The following PITPNM1 variants were observed in gnomAD, a reference collection of about 807,000 sequenced individuals.
The protein encoded by PITPNM1 is phosphatidylinositol transfer protein membrane associated 1, also known as membrane-associated phosphatidylinositol transfer protein 1.
A neutral mutation model predicts 133.3 loss-of-function variants in PITPNM1; 74 were observed. The ratio of observed to expected loss-of-function variants is 0.56; its 90% CI spans 0.46 to 0.67. The LOEUF (loss-of-function observed/expected upper bound fraction) is 0.67. PITPNM1 is among the 30% of genes least tolerant of loss of function. PITPNM1 has a pLI of 0.00. For synonymous variants in PITPNM1, 738 were observed against 741.4 expected, an observed-to-expected ratio of 1.00 and a Z score of 0.08; for missense variants, 1,398 against 1,739.5, an observed-to-expected ratio of 0.80 and a Z score of 3.49.
Position 67,505,142 on chromosome 11 carries a change from G to C in PITPNM1, c.-42+46C>G, listed in dbSNP as rs1866458917. On this transcript the variant is annotated intron_variant, in intron 1 of 23. Coordinates refer to ENST00000356404, the MANE Select transcript of PITPNM1 (RefSeq NM_004910.3). This position sits in a 1 kb window ranked among gnomAD's most constrained non-coding sequence, Gnocchi z 5.8. Reference sequence around the variant, plus strand: ...ACTTCCCTCTGCTCGCCGGCGTCCCGGTCCCCTGCCGCGCTCTTGGCCCGC... The same window carrying C: ...ACTTCCCTCTGCTCGCCGGCGTCCCCGTCCCCTGCCGCGCTCTTGGCCCGC... The C allele has an allele frequency of 6.6e-6, 1 of 152,506 alleles. No homozygotes were observed. The highest frequency in any genetic ancestry group is 1.5e-5 in the Non-Finnish European group (1 of 68,372). The allele number at this position is 152,506 out of a possible 1,614,324, so 9.4% of individuals were successfully genotyped here. A position where few individuals can be genotyped will look rare whatever the true frequency, so the allele number is the denominator to read the frequency against.
rs2276121 is a variant in PITPNM1 at position 67,498,799 on chromosome 11, G to A, written c.1281C>T (p.His427=). 7.4e-6 allele frequency: 12 copies of A among 1,612,656 alleles called. No individual in the cohort carries two copies. The highest frequency in any genetic ancestry group is 6.7e-5 in the East Asian group (3 of 44,884). ...GELGAEACAV[H]ALFLILHSGN... is the part of the protein sequence containing the mutation. ...CGCTGTGCAGGATAAGGAAGAGGGC[G>A]TGGACTGCGCATGCCTCAGCCCCCA... The change falls in exon 10 of 24, where the codon CAC becomes CAT. Residue 427 remains histidine (H), a synonymous_variant. Transcript: ENST00000356404. This position sits in a 1 kb window ranked among gnomAD's most constrained non-coding sequence, Gnocchi z 5.7.
chr11:67,497,797 G>C lies in PITPNM1; in HGVS notation c.1783-118C>G, dbSNP rs1035710521. ...CAGAGCAGAATTCCAGAGAAGACATGAACTGGCAGGGCAGCAGGGGGCCTG... is the reference window on the plus strand; with the variant it reads ...CAGAGCAGAATTCCAGAGAAGACATCAACTGGCAGGGCAGCAGGGGGCCTG... On this transcript the variant is annotated intron_variant, in intron 12 of 23. Transcript: ENST00000356404. 4.0e-6 allele frequency: 6 copies of C among 1,487,144 alleles called. No individual in the cohort carries two copies. The African/African-American group carries it at 8.3e-5, about 21-fold the overall frequency. 92.1% of individuals were successfully genotyped at this position (1,487,144 alleles called of 1,614,324 possible).
Position 67,504,200 on chromosome 11 carries a change from C to A in PITPNM1, c.-20G>T. 2 of 1,579,796 alleles carry A rather than the reference C, an allele frequency of 1.3e-6. No homozygotes were observed. Among genetic ancestry groups the A allele is most frequent in the Non-Finnish European group, 1.7e-6 (2 of 1,165,284 alleles). Reference sequence around the variant, plus strand: ...GAGCATCCTGAAGGCGCTCGGCGGGCCGCGCGCGGCCTCCGCTCCTCCTGG... The same window carrying A: ...GAGCATCCTGAAGGCGCTCGGCGGGACGCGCGCGGCCTCCGCTCCTCCTGG... On this transcript the variant is annotated 5_prime_UTR_variant, in exon 2 of 24. Coordinates refer to ENST00000356404, the MANE Select transcript of PITPNM1 (RefSeq NM_004910.3). The surrounding 1 kb of genome is among the most constrained non-coding windows in gnomAD (Gnocchi z 5.4).
Position 67,504,495 on chromosome 11 carries a change from G to C in PITPNM1, c.-41-274C>G, listed in dbSNP as rs1025909147. The stretch of plus-strand genomic sequence containing the variant: ...CGGGCCCCCCGGAGCGCCAGGCTCC[G>C]GCCGGCGGGCGGGAGGGCCACCTCA... On this transcript the variant is annotated intron_variant, in intron 1 of 23. Coordinates refer to ENST00000356404, the MANE Select transcript of PITPNM1 (RefSeq NM_004910.3). The surrounding 1 kb of genome is among the most constrained non-coding windows in gnomAD (Gnocchi z 5.4). 1 of 152,804 alleles carries C rather than the reference G, an allele frequency of 6.5e-6. No homozygotes were observed. Among genetic ancestry groups the C allele is most frequent in the East Asian group, 1.9e-4 (1 of 5,172 alleles). 9.5% of individuals were successfully genotyped at this position (152,804 alleles called of 1,614,324 possible).
Position 67,491,793 on chromosome 11 carries a change from A to G in PITPNM1, c.*240T>C. ...TGGGGTGCAGGTGGCGTTTATTTTC[A>G]TGGATTTATACACACTGGAAAAGCC... On this transcript the variant is annotated 3_prime_UTR_variant, in exon 24 of 24. Transcript: ENST00000356404. 1.9e-6 allele frequency: 1 copy of G among 515,566 alleles called. No individual in the cohort carries two copies. Among genetic ancestry groups the G allele is most frequent in the East Asian group, 3.3e-5 (1 of 30,700 alleles). 31.9% of individuals were successfully genotyped at this position (515,566 alleles called of 1,614,324 possible).
intron 13 of PITPNM1, 43 bp from the exon 14 acceptor site, chr11:67,497,479 C>A (rs771484372): frequency 6.3e-7 from 1 of 1,595,680 alleles, no homozygotes; most frequent in Non-Finnish European, 8.5e-7. Flanking sequence ...CCTCTGTAGT[C>A]CATCATGTGC....
Position 67,492,937 on chromosome 11 carries a change from G to A in PITPNM1, c.3468C>T (p.Cys1156=). The change falls in exon 23 of 24, where the codon TGC becomes TGT. Residue 1156 remains cysteine, a synonymous_variant. Transcript: ENST00000356404. ...CTGGCCTTCACTTGGGCCTCACCTG[G>A]CACTGCGCCTGTAGCTTCCGCACGG... ...GRAVRKLQAQ[C]QFLSDGYVAH... The A allele has an allele frequency of 6.2e-7, 1 of 1,612,156 alleles. No individual in the cohort carries two copies.
At chr11:67,505,569 T>C (rs981042138), upstream of PITPNM1, among the ~76,000 whole-genome samples, 2 of 152,202 alleles carry the variant, frequency 1.3e-5, no homozygotes, top group East Asian at 1.9e-4. The surrounding 1 kb of genome is among the most constrained non-coding windows in gnomAD (Gnocchi z 5.8). Context: ...TCTGTGCTGA[T>C]TGGGGTCCCC....
Position 67,504,277 on chromosome 11 carries a change from C to T in PITPNM1, c.-41-56G>A. The T allele has an allele frequency of 1.5e-6, 1 of 678,280 alleles. No homozygotes were observed. The highest frequency in any genetic ancestry group is 1.9e-5 in the African/African-American group (1 of 52,412). 42.0% of individuals were successfully genotyped at this position (678,280 alleles called of 1,614,324 possible). A position where few individuals can be genotyped will look rare whatever the true frequency, so the allele number is the denominator to read the frequency against. ...CGGGGAGGCTGCGCGCGGCCCCGAG[C>T]CCTGCGCGCCGGCCGAGGGACTCAG... On this transcript the variant is annotated intron_variant, in intron 1 of 23. Transcript: ENST00000356404. The surrounding 1 kb of genome is among the most constrained non-coding windows in gnomAD (Gnocchi z 5.4).
Position 67,498,614 on chromosome 11 carries a change from G to A in PITPNM1, c.1466C>T (p.Ala489Val). The change falls in exon 10 of 24, where the codon GCC (alanine) becomes GTC (valine). Residue 489 changes from alanine to valine, a missense_variant. By Grantham distance (64) the Ala-to-Val change is moderately conservative (BLOSUM62 0). This residue lies in a region of PITPNM1 where 574 missense variants were observed against 698.7 expected (regional missense o/e 0.82). Coordinates refer to ENST00000356404, the MANE Select transcript of PITPNM1 (RefSeq NM_004910.3). This position sits in a 1 kb window ranked among gnomAD's most constrained non-coding sequence, Gnocchi z 5.7. ...CTAGTACTTGGAGACAAGGGCATAG[G>A]CGGCGGCGCAGATGGGTGGACAGGG... ...LVPCPPICAA[A>V]YALVSNLSPY... The A allele has an allele frequency of 6.3e-7, 1 of 1,597,634 alleles. No individual in the cohort carries two copies. Among genetic ancestry groups the A allele is most frequent in the Non-Finnish European group, 8.5e-7 (1 of 1,179,504 alleles).
In PITPNM1 at chr11:67,494,928, G is replaced by A. The variant is rs374920376; in HGVS notation, c.2660C>T (p.Ala887Val). Residue 887 changes from alanine to valine, a missense_variant, in exon 18 of 24, where the codon GCG (alanine) becomes GTG (valine). Physicochemically the swap from Ala to Val is moderately conservative, Grantham distance 64. Transcript: ENST00000356404. The stretch of plus-strand genomic sequence containing the variant: ...GTAGATGGACGGCTCCTCGCATTCC[G>A]CCAGCTGTGGCCGCTCCTTCTCGAT... ...QVIEKERPQL[A>V]ECEEPSIYSP... 6.2e-7 allele frequency: 1 copy of A among 1,612,742 alleles called. No individual in the cohort carries two copies. Among genetic ancestry groups the A allele is most frequent in the Non-Finnish European group, 8.5e-7 (1 of 1,179,778 alleles).
chr11:67,492,502 C>T (rs144299572), intron 23 of PITPNM1, among the ~76,000 whole-genome samples: 3 of 152,358 alleles, frequency 2.0e-5, no homozygotes, highest in Non-Finnish European at 4.4e-5. Flanking sequence ...CTTCTCTGGG[C>T]CTCAGTCTCC....
rs761014710 is a variant in PITPNM1, at chr11:67,504,213, C to T, written c.-33G>A. ...GCGCTCGGCGGGCCGCGCGCGGCCT[C>T]CGCTCCTCCTGGCGCAGGGCACGGC... is the stretch of plus-strand genomic sequence containing the variant. On this transcript the variant is annotated 5_prime_UTR_variant, in exon 2 of 24. Coordinates refer to ENST00000356404, the MANE Select transcript of PITPNM1 (RefSeq NM_004910.3). This position sits in a 1 kb window ranked among gnomAD's most constrained non-coding sequence, Gnocchi z 5.4. The T allele has an allele frequency of 1.3e-6, 2 of 1,540,466 alleles. No individual in the cohort carries two copies. Among genetic ancestry groups the T allele is most frequent in the Non-Finnish European group, 1.8e-6 (2 of 1,135,772 alleles).
At chr11:67,496,452 C>T (rs1438005111) in intron 14 of PITPNM1, 104 bp from the exon 15 acceptor site, 33 of 1,013,456 alleles carry the variant, frequency 3.3e-5, no homozygotes, top group African/African-American at 6.8e-5. Flanking sequence ...GGTGTGACCC[C>T]GAGCCAGCAC....
upstream of PITPNM1, chr11:67,506,130 G>A (rs947395150): frequency 1.3e-4 from 20 of 152,682 alleles, no homozygotes; most frequent in Admixed American, 1.3e-3. Context: ...TGATTCAGAG[G>A]CTGGGGTGTT....
At chr11:67,499,875 G>A (rs368938921) in intron 7 of PITPNM1, 39 bp downstream of exon 7, 6 of 1,597,160 alleles carry the variant, frequency 3.8e-6, no homozygotes, top group South Asian at 3.3e-5. Flanking sequence ...GGAGCTGCTC[G>A]GGGACATCCC....
chr11:67,504,223 T>C lies in PITPNM1; in HGVS notation c.-41-2A>G, dbSNP rs1183251269. The stretch of plus-strand genomic sequence containing the variant: ...GGCCGCGCGCGGCCTCCGCTCCTCC[T>C]GGCGCAGGGCACGGCGCGACAGTCA... On this transcript the variant is annotated splice_acceptor_variant, in intron 1 of 23. Coordinates refer to ENST00000356404, the MANE Select transcript of PITPNM1 (RefSeq NM_004910.3). LOFTEE classifies it low-confidence loss of function (5UTR_SPLICE). The surrounding 1 kb of genome is among the most constrained non-coding windows in gnomAD (Gnocchi z 5.4). 2.1e-6 allele frequency: 3 copies of C among 1,420,856 alleles called. No individual in the cohort carries two copies. Among genetic ancestry groups the C allele is most frequent in the East Asian group, 5.3e-5 (2 of 38,022 alleles). The allele number at this position is 1,420,856 out of a possible 1,614,324, so 88.0% of individuals were successfully genotyped here.
At position 67,502,472 on chromosome 11, in the gene PITPNM1, G is replaced by A. The variant is rs765559850; in HGVS notation, c.293+32C>T. ...TACCCACCAGGGCCGCTCCCCTCCT[G>A]GCCTCGGACCATGCCCAGCTCACCC... On this transcript the variant is annotated intron_variant, in intron 3 of 23. Coordinates refer to ENST00000356404, the MANE Select transcript of PITPNM1 (RefSeq NM_004910.3). This position sits in a 1 kb window ranked among gnomAD's most constrained non-coding sequence, Gnocchi z 5.9. The A allele has an allele frequency of 6.2e-7, 1 of 1,613,586 alleles. No homozygotes were observed. Among genetic ancestry groups the A allele is most frequent in the South Asian group, 1.1e-5 (1 of 91,084 alleles).
intron 23 of PITPNM1, 145 bp downstream of exon 23, chr11:67,492,789 G>A: frequency 9.6e-7 from 1 of 1,044,882 alleles, no homozygotes; most frequent in Non-Finnish European, 1.4e-6. Flanking sequence ...GCTGCTCATG[G>A]CCCTTGTCCT....
Sources: gnomAD v4.1 joint callset for allele counts (sites outside exome capture counted in the v4.1 genomes callset) on GRCh38, gnomAD v4.1.1 for gene constraint, gnomAD v4.1.1 regional missense constraint, Gnocchi (gnomAD v3.1) non-coding constraint, MANE v1.5 for transcripts, NCBI Gene and HGNC (gene_info 2026-07-23, HGNC 2026-07-21) for gene names.